Variants in STXBP6 observed in about 807,000 individuals in gnomAD.
The protein encoded by STXBP6 is syntaxin binding protein 6.
Under a neutral mutation model 26.9 loss-of-function variants are expected in STXBP6, and 21 were observed. That is an observed-to-expected ratio of 0.78 (90% CI 0.55 to 1.12). The LOEUF (loss-of-function observed/expected upper bound fraction) is 1.12. Among genes scored for constraint, STXBP6 ranks in the 50% most tolerant of loss-of-function variants. The pLI is 0.00. For synonymous variants in STXBP6, 97 were observed against 92.6 expected (o/e 1.05, Z -0.27); for missense variants, 232 against 257.9 (o/e 0.90, Z 0.69).
chr14:24,942,445 G>A (rs1233527790), intron 2 of STXBP6, among the ~76,000 whole-genome samples: 1 of 152,160 alleles, frequency 6.6e-6, no homozygotes, highest in Non-Finnish European at 1.5e-5. Context: ...GAAGGAGGAG[G>A]TTGTTGAAAT....
chr14:24,957,725 T>C (rs994044121), intron 2 of STXBP6, among the ~76,000 whole-genome samples: 1 of 152,196 alleles, frequency 6.6e-6, no homozygotes, highest in African/African-American at 2.4e-5. Flanking sequence ...TAATCAGCAT[T>C]TTACATAAAT....
At chr14:25,005,604 G>C (rs2074872942) in intron 1 of STXBP6, among the ~76,000 whole-genome samples, 1 of 152,140 alleles carries the variant, frequency 6.6e-6, no homozygotes, top group Non-Finnish European at 1.5e-5. Flanking sequence ...CGTGCACACA[G>C]AATGCTTACA....
In STXBP6 at chr14:24,834,940, A is replaced by G. The variant is rs928767102; in HGVS notation, c.452-15746T>C. 7.2e-5 allele frequency among the ~76,000 whole-genome samples: 11 copies of G among 152,320 alleles called. 1 individual carries two copies. The highest frequency in any genetic ancestry group is 2.4e-5 in the African/African-American group (1 of 41,570). On this transcript the variant is annotated intron_variant, in intron 4 of 5. Coordinates refer to ENST00000323944, the MANE Select transcript of STXBP6 (RefSeq NM_001394410.1). ...TCTCAAGAGTTTTCTTCCATGATAC[A>G]CATGAAGGGTTTGGCAGAACTAGTG...
chr14:24,945,061 T>C (rs541576501), intron 2 of STXBP6, among the ~76,000 whole-genome samples: 1 of 151,598 alleles, frequency 6.6e-6, no homozygotes, highest in Non-Finnish European at 1.5e-5. Context: ...TTGAAAGCTT[T>C]TGTGTCTCCA....
intron 2 of STXBP6, among the ~76,000 whole-genome samples, chr14:24,941,828 T>C (rs1348786180): frequency 2.0e-5 from 3 of 152,200 alleles, no homozygotes; most frequent in Non-Finnish European, 4.4e-5. Flanking sequence ...ACCACCTGTG[T>C]GAGAAAATAC....
chr14:24,935,678 G>A (rs1484413953), intron 2 of STXBP6, among the ~76,000 whole-genome samples: 2 of 152,122 alleles, frequency 1.3e-5, no homozygotes. Context: ...AGTATAAAAT[G>A]TCTACTTTCG....
intron 2 of STXBP6, among the ~76,000 whole-genome samples, chr14:24,959,906 A>C (rs2073472780): frequency 6.6e-6 from 1 of 152,236 alleles, no homozygotes; most frequent in Non-Finnish European, 1.5e-5. Context: ...TAAACAAACC[A>C]GGCCTGACCT....
In STXBP6 at chr14:24,810,326, C is replaced by G. The variant is rs1338650537; in HGVS notation, c.*2383G>C. On this transcript the variant is annotated 3_prime_UTR_variant, in exon 6 of 6. Transcript: ENST00000323944. ...ATACTTTGCACTGCAGCACCTTCTA[C>G]AAGAGGACAGCAAAGAACTTCACAT... 3 of 152,210 alleles carry G rather than the reference C, an allele frequency of 2.0e-5. No individual in the cohort carries two copies. Among genetic ancestry groups the G allele is most frequent in the Non-Finnish European group, 4.4e-5 (3 of 68,046 alleles). The allele number at this position is 152,210 out of a possible 1,614,324, so 9.4% of individuals were successfully genotyped here. A position where few individuals can be genotyped will look rare whatever the true frequency, so the allele number is the denominator to read the frequency against.
chr14:25,016,563 A>T (rs1401124664), intron 1 of STXBP6, among the ~76,000 whole-genome samples: 2 of 152,164 alleles, frequency 1.3e-5, no homozygotes, highest in African/African-American at 4.8e-5. Flanking sequence ...CTGAAAATCC[A>T]CGCCAAAAAG....
At chr14:25,047,095 A>G (rs1040294757) in intron 1 of STXBP6, among the ~76,000 whole-genome samples, 17 of 152,212 alleles carry the variant, frequency 1.1e-4, no homozygotes, top group African/African-American at 3.9e-4. Context: ...TAGGTGATCT[A>G]TTCTGTCCTC....
rs1232255255 is a variant in STXBP6, at chr14:24,898,333, T to G, written c.155-41176A>C. Among the ~76,000 whole-genome samples, 3 of 152,220 alleles carry G rather than the reference T, an allele frequency of 2.0e-5. No homozygotes were observed. The East Asian group carries it at 5.8e-4, about 29-fold the overall frequency. On this transcript the variant is annotated intron_variant, in intron 2 of 5. Transcript: ENST00000323944. ...TCTCACCACTGGGTAATAATATTAC[T>G]GAACCTTACTGAACCTCACTGAACC... is the stretch of plus-strand genomic sequence containing the variant.
chr14:24,838,128 A>G (rs1466109468), intron 4 of STXBP6, among the ~76,000 whole-genome samples: 1 of 152,160 alleles, frequency 6.6e-6, no homozygotes, highest in Non-Finnish European at 1.5e-5. Flanking sequence ...CTCCCACCTC[A>G]GCCTCCCAAG....
chr14:24,812,780 T>C (rs775117081), intron 5 of STXBP6, 48 bp from the exon 6 acceptor site: 1 of 1,595,446 alleles, frequency 6.3e-7, no homozygotes, highest in Non-Finnish European at 8.6e-7. Context: ...TAGCAGGTAT[T>C]AGCAGAGAGA....
chr14:24,884,142 AATT>A (rs934552355), intron 2 of STXBP6, among the ~76,000 whole-genome samples: 1 of 152,334 alleles, frequency 6.6e-6, no homozygotes, highest in East Asian at 1.9e-4. Flanking sequence ...GGCTTCCACA[AATT>A]ATTAAGATTC....
At chr14:24,999,967 T>A (rs2074713178) in intron 1 of STXBP6, among the ~76,000 whole-genome samples, 1 of 152,224 alleles carries the variant, frequency 6.6e-6, no homozygotes, top group African/African-American at 2.4e-5. Context: ...GTTGTTTTGG[T>A]TACAAATTAT....
chr14:24,987,927 A>T lies in STXBP6; in HGVS notation c.-32-13077T>A, dbSNP rs190842296. 5.2e-5 allele frequency: 51 copies of T among 977,206 alleles called. No homozygotes were observed. In the African/African-American group the frequency reaches 8.7e-4, roughly 17 times the overall value. 60.5% of individuals were successfully genotyped at this position (977,206 alleles called of 1,614,324 possible). ...CATTGTCCTAACGCTGAGGATACTG[A>T]GGAGAAGAAGAGCAACAAAGTACTT... On this transcript the variant is annotated intron_variant, in intron 1 of 5. Transcript: ENST00000323944.
intron 2 of STXBP6, among the ~76,000 whole-genome samples, chr14:24,909,812 G>C (rs374388050): frequency 6.6e-6 from 1 of 150,984 alleles, no homozygotes; most frequent in African/African-American, 2.4e-5. Context: ...TCTAGCCTGG[G>C]TAACAGAGAA....
intron 2 of STXBP6, among the ~76,000 whole-genome samples, chr14:24,911,697 T>A (rs1023699633): frequency 6.6e-6 from 1 of 152,166 alleles, no homozygotes; most frequent in African/African-American, 2.4e-5. Flanking sequence ...GAATGCCTCA[T>A]TCCATTTCTC....
chr14:25,040,289 G>C (rs1179882054), intron 1 of STXBP6, among the ~76,000 whole-genome samples: 1 of 152,168 alleles, frequency 6.6e-6, no homozygotes, highest in East Asian at 1.9e-4. Context: ...GGAGGCAGAG[G>C]ACAAGGGAGG....
Sources: allele counts gnomAD v4.1 joint callset (sites outside exome capture counted in the v4.1 genomes callset), GRCh38; gene constraint gnomAD v4.1.1; transcripts MANE v1.5; gene names NCBI Gene and HGNC (gene_info 2026-07-23, HGNC 2026-07-21).